CTXND2: variants seen among roughly 807,000 people sequenced by gnomAD.
CTXND2 encodes the protein cortexin domain containing 2.
chr1:150,909,925 A>C (rs1669219886), intron 1 of CTXND2, among the ~76,000 whole-genome samples: 1 of 152,154 alleles, frequency 6.6e-6, no homozygotes, highest in South Asian at 2.1e-4. Flanking sequence ...GGAACTCAGG[A>C]GGCCAAGAAA....
intron 1 of CTXND2, among the ~76,000 whole-genome samples, chr1:150,892,638 A>G (rs1157749135): frequency 6.6e-6 from 1 of 151,122 alleles, no homozygotes; most frequent in Non-Finnish European, 1.5e-5. Context: ...TCCCTGGCTT[A>G]AGAGATCCTC....
chr1:150,895,064 T>C (rs1184492987), intron 1 of CTXND2, among the ~76,000 whole-genome samples: 4 of 151,708 alleles, frequency 2.6e-5, no homozygotes, highest in African/African-American at 4.8e-5. Flanking sequence ...CATATATATA[T>C]ATATGATGCT....
At chr1:150,911,559 A>G (rs1669258394) in intron 1 of CTXND2, among the ~76,000 whole-genome samples, 1 of 151,762 alleles carries the variant, frequency 6.6e-6, no homozygotes, top group African/African-American at 2.4e-5. Context: ...CAGCCTCCCA[A>G]GTAGTTGGGA....
chr1:150,888,301 C>T (rs1055220947), intron 1 of CTXND2, among the ~76,000 whole-genome samples: 7 of 151,052 alleles, frequency 4.6e-5, no homozygotes, highest in African/African-American at 1.7e-4. Flanking sequence ...ACAACCTCTG[C>T]CTCCCAGGTT....
At chr1:150,889,600 GT>G (rs1157281263) in intron 1 of CTXND2, among the ~76,000 whole-genome samples, 2 of 151,826 alleles carry the variant, frequency 1.3e-5, no homozygotes, top group East Asian at 3.9e-4. Flanking sequence ...TACTCACTGT[GT>G]TATCCTAGCC....
chr1:150,888,164 A>T (rs1432533928), intron 1 of CTXND2, among the ~76,000 whole-genome samples: 1 of 151,966 alleles, frequency 6.6e-6, no homozygotes, highest in Non-Finnish European at 1.5e-5. Context: ...ATTTTGCATA[A>T]GAATTAAATT....
intron 1 of CTXND2, among the ~76,000 whole-genome samples, chr1:150,896,077 C>T (rs184386271): frequency 5.3e-5 from 8 of 152,264 alleles, no homozygotes; most frequent in Admixed American, 3.3e-4. Flanking sequence ...ACGGAGAATC[C>T]GTTCCTGTTG....
At chr1:150,899,678 C>A (rs1186153424) in intron 1 of CTXND2, among the ~76,000 whole-genome samples, 1 of 152,026 alleles carries the variant, frequency 6.6e-6, no homozygotes, top group Non-Finnish European at 1.5e-5. Context: ...CAAAACATGG[C>A]CTGATGCAGT....
chr1:150,900,194 T>C (rs1668982676), intron 1 of CTXND2, among the ~76,000 whole-genome samples: 1 of 152,124 alleles, frequency 6.6e-6, no homozygotes, highest in Non-Finnish European at 1.5e-5. Context: ...TTATGAGTTG[T>C]AATACTCACC....
intron 1 of CTXND2, among the ~76,000 whole-genome samples, chr1:150,889,667 T>C (rs1344202452): frequency 6.6e-6 from 1 of 152,074 alleles, no homozygotes; most frequent in Non-Finnish European, 1.5e-5. Flanking sequence ...CACCCTATAG[T>C]GTGTGTTAGC....
intron 1 of CTXND2, among the ~76,000 whole-genome samples, chr1:150,903,671 G>A (rs1205561023): frequency 2.0e-5 from 3 of 151,922 alleles, no homozygotes; most frequent in Admixed American, 6.6e-5. Context: ...GGTGGTGGGC[G>A]CCTGTAATCC....
At chr1:150,908,266 A>G (rs1383645318) in intron 1 of CTXND2, among the ~76,000 whole-genome samples, 1 of 152,074 alleles carries the variant, frequency 6.6e-6, no homozygotes, top group African/African-American at 2.4e-5. Context: ...TTGGCTGCCC[A>G]AAGTGCTGGG....
intron 1 of CTXND2, among the ~76,000 whole-genome samples, chr1:150,907,091 C>G (rs1385129884): frequency 6.6e-6 from 1 of 152,066 alleles, no homozygotes; most frequent in African/African-American, 2.4e-5. Context: ...GAAGAAGAAG[C>G]CTGAAAAGGG....
At chr1:150,912,756 A>G in exon 2 of CTXND2, 1 of 270,150 alleles carries the variant, frequency 3.7e-6, no homozygotes, top group Non-Finnish European at 6.9e-6. Context: ...TTTATGATGT[A>G]ATGTAACATA....
At chr1:150,907,704 C>CTTTTTTTTTTTTT in intron 1 of CTXND2, among the ~76,000 whole-genome samples, 1 of 71,460 alleles carries the variant, frequency 1.4e-5, no homozygotes, top group Non-Finnish European at 2.5e-5. Context: ...CATATGGTGG[C>CTTTTTTTTTTTTT]TTTTTTTTTT....
chr1:150,894,624 A>C (rs587627530), intron 1 of CTXND2, among the ~76,000 whole-genome samples: 1 of 152,304 alleles, frequency 6.6e-6, no homozygotes, highest in South Asian at 2.1e-4. Flanking sequence ...GCATATATCA[A>C]TGTGGTAAAG....
chr1:150,901,848 G>A (rs1014758788), intron 1 of CTXND2, among the ~76,000 whole-genome samples: 1 of 151,400 alleles, frequency 6.6e-6, no homozygotes, highest in Non-Finnish European at 1.5e-5. Context: ...AACCTGGGAG[G>A]TGGAGCTTGC....
At chr1:150,893,784 C>T (rs1345961832) in intron 1 of CTXND2, among the ~76,000 whole-genome samples, 1 of 152,008 alleles carries the variant, frequency 6.6e-6, no homozygotes, top group East Asian at 1.9e-4. Context: ...GATACCCCCA[C>T]TTATGCCTAG....
intron 1 of CTXND2, among the ~76,000 whole-genome samples, chr1:150,905,379 G>T (rs1669122826): frequency 7.7e-6 from 1 of 129,776 alleles, no homozygotes; most frequent in Non-Finnish European, 1.7e-5. Context: ...CCTGACCTCA[G>T]GTGATCCCCC....
Sources: allele counts gnomAD v4.1 joint callset (sites outside exome capture counted in the v4.1 genomes callset), GRCh38; gene constraint gnomAD v4.1.1; transcripts MANE v1.5; gene names NCBI Gene and HGNC (gene_info 2026-07-23, HGNC 2026-07-21).